Variants in SGMS2 observed in about 807,000 individuals in gnomAD.
SGMS2 encodes phosphatidylcholine:ceramide cholinephosphotransferase 2.
SGMS2 carries 21 observed loss-of-function variants against 43.8 expected under a neutral mutation model. That is an observed-to-expected ratio of 0.48 (90% CI 0.34 to 0.69). SGMS2 has a LOEUF of 0.69. Ranked by LOEUF, SGMS2 falls within the 30% of genes least tolerant of loss-of-function variation. The pLI, the probability that SGMS2 is intolerant of heterozygous loss-of-function variation, is 0.01. For missense variants in SGMS2, 384 were observed against 443.2 expected (o/e 0.87, Z 1.20); for synonymous variants, 167 against 160.6 (o/e 1.04, Z -0.30).
At chr4:107,850,721 T>C (rs1019046335) in intron 1 of SGMS2, among the ~76,000 whole-genome samples, 2 of 152,206 alleles carry the variant, frequency 1.3e-5, no homozygotes, top group Non-Finnish European at 2.9e-5. Context: ...GTGGCTGACC[T>C]ATTTACGTGG....
chr4:107,882,980 A>T (rs1729478322), intron 2 of SGMS2, among the ~76,000 whole-genome samples: 1 of 152,194 alleles, frequency 6.6e-6, no homozygotes, highest in Admixed American at 6.5e-5. Flanking sequence ...TTTAAATATT[A>T]AAACTATAAT....
chr4:107,831,001 T>C (rs1313033831), intron 1 of SGMS2, among the ~76,000 whole-genome samples: 3 of 152,196 alleles, frequency 2.0e-5, no homozygotes, highest in African/African-American at 7.2e-5. Context: ...TATCTTCATC[T>C]TCAGACAGCT....
At chr4:107,859,003 A>G (rs559088443) in intron 2 of SGMS2, among the ~76,000 whole-genome samples, 1 of 152,346 alleles carries the variant, frequency 6.6e-6, no homozygotes, top group South Asian at 2.1e-4. Context: ...CTGTTTTTAT[A>G]GTTATCTAAA....
At chr4:107,827,026 G>A (rs967629597) in intron 1 of SGMS2, among the ~76,000 whole-genome samples, 8 of 152,088 alleles carry the variant, frequency 5.3e-5, no homozygotes, top group African/African-American at 1.9e-4. Context: ...GATTTTTGTG[G>A]GACTTTAAAC....
At chr4:107,851,510 A>G (rs918852078) in intron 1 of SGMS2, among the ~76,000 whole-genome samples, 1 of 152,158 alleles carries the variant, frequency 6.6e-6, no homozygotes, top group African/African-American at 2.4e-5. Flanking sequence ...GTTAACATAC[A>G]CTTAGCTCTG....
intron 1 of SGMS2, among the ~76,000 whole-genome samples, chr4:107,849,955 T>C (rs911767892): frequency 4.6e-5 from 7 of 152,176 alleles, no homozygotes; most frequent in Admixed American, 3.9e-4. Flanking sequence ...CCCACCCAAA[T>C]ATCATGTTGA....
At chr4:107,881,924 A>G (rs992507785) in intron 2 of SGMS2, among the ~76,000 whole-genome samples, 5 of 152,152 alleles carry the variant, frequency 3.3e-5, no homozygotes, top group African/African-American at 7.2e-5. Flanking sequence ...AGTTCCATCC[A>G]TATTGCAAAT....
intron 2 of SGMS2, among the ~76,000 whole-genome samples, chr4:107,869,922 A>G (rs1036370161): frequency 2.0e-5 from 3 of 152,210 alleles, no homozygotes; most frequent in African/African-American, 7.2e-5. Context: ...TAACGAGGTC[A>G]GTAAAGCAGG....
chr4:107,851,277 A>C (rs1228486905), intron 1 of SGMS2, among the ~76,000 whole-genome samples: 1 of 152,200 alleles, frequency 6.6e-6, no homozygotes, highest in Non-Finnish European at 1.5e-5. Context: ...TTCATCTTTC[A>C]AACAAGTTTC....
intron 2 of SGMS2, among the ~76,000 whole-genome samples, chr4:107,877,575 ATG>A (rs909273755): frequency 8.3e-4 from 127 of 152,350 alleles, no homozygotes; most frequent in African/African-American, 2.9e-3. Context: ...ACCATTAAAC[ATG>A]GAACAGGTAA....
chr4:107,906,721 T>A (rs966726247), intron 5 of SGMS2, among the ~76,000 whole-genome samples: 8 of 152,226 alleles, frequency 5.3e-5, no homozygotes, highest in Non-Finnish European at 1.2e-4. Context: ...TACATTTTTA[T>A]GAGAAAGCAC....
intron 2 of SGMS2, among the ~76,000 whole-genome samples, chr4:107,886,147 G>T (rs1469391780): frequency 6.6e-6 from 1 of 151,878 alleles, no homozygotes; most frequent in Admixed American, 6.6e-5. Flanking sequence ...GGTAGCAGCA[G>T]CAGGTTTACA....
chr4:107,870,749 C>G (rs1014604417), intron 2 of SGMS2, among the ~76,000 whole-genome samples: 1 of 152,020 alleles, frequency 6.6e-6, no homozygotes, highest in Non-Finnish European at 1.5e-5. Context: ...AAAACAAAAA[C>G]TCATTTTCTA....
intron 2 of SGMS2, chr4:107,873,861 C>T (rs564214001): frequency 7.9e-5 from 12 of 152,250 alleles, no homozygotes; most frequent in Admixed American, 5.2e-4. Context: ...GTAAGTTTTA[C>T]TTTTACAGAA....
At chr4:107,886,598 C>T (rs550330601) in intron 2 of SGMS2, 1 of 152,190 alleles carries the variant, frequency 6.6e-6, no homozygotes, top group East Asian at 1.9e-4. Flanking sequence ...GGGTGATTCT[C>T]TCCTCTTGAG....
intron 2 of SGMS2, among the ~76,000 whole-genome samples, chr4:107,879,412 A>G (rs546897317): frequency 6.6e-6 from 1 of 151,916 alleles, no homozygotes; most frequent in Non-Finnish European, 1.5e-5. Context: ...ATAAGAGAGT[A>G]TGGGATGTTC....
chr4:107,850,411 T>A (rs1727071377), intron 1 of SGMS2, among the ~76,000 whole-genome samples: 1 of 152,244 alleles, frequency 6.6e-6, no homozygotes. Context: ...TTGTTTACTA[T>A]CTCTAAGCCT....
chr4:107,885,026 G>A (rs1165840442), intron 2 of SGMS2, among the ~76,000 whole-genome samples: 3 of 152,166 alleles, frequency 2.0e-5, no homozygotes, highest in Non-Finnish European at 2.9e-5. Flanking sequence ...GTGGATGGCA[G>A]TTTCATTAGT....
intron 1 of SGMS2, among the ~76,000 whole-genome samples, chr4:107,848,368 T>TA (rs1335463688): frequency 2.6e-5 from 4 of 152,226 alleles, no homozygotes; most frequent in Non-Finnish European, 4.4e-5. Flanking sequence ...ATGAATAAAG[T>TA]TGCTTAAACA....
Sources: gnomAD v4.1 joint callset for allele counts (sites outside exome capture counted in the v4.1 genomes callset) on GRCh38, gnomAD v4.1.1 for gene constraint, MANE v1.5 for transcripts, NCBI Gene and HGNC (gene_info 2026-07-23, HGNC 2026-07-21) for gene names.